The following TNS1 variants were observed in gnomAD, a reference collection of about 807,000 sequenced individuals.
TNS1 encodes the protein tensin-1.
TNS1 carries 62 observed loss-of-function variants against 168.6 expected under a neutral mutation model. The ratio of observed to expected loss-of-function variants is 0.37; its 90% CI spans 0.30 to 0.45. The LOEUF is 0.45. TNS1 is among the 20% of genes least tolerant of loss of function. The probability of loss-of-function intolerance (pLI) is 1.00; values close to 1 mark genes in which losing one functional copy is unlikely to be tolerated. For synonymous variants in TNS1, 934 were observed against 933.2 expected, an observed-to-expected ratio of 1.00 and a Z score of -0.02; for missense variants, 2,240 against 2,339.4, an observed-to-expected ratio of 0.96 and a Z score of 0.88.
chr2:217,936,092 G>A (rs1460339649), intron 3 of TNS1, among the ~76,000 whole-genome samples: 2 of 152,184 alleles, frequency 1.3e-5, no homozygotes, highest in Non-Finnish European at 2.9e-5. Context: ...CTCTGGACAG[G>A]CAGCCACTCT....
At chr2:217,978,843 A>C in intron 2 of TNS1, 41 bp from the exon 3 acceptor site, 1 of 701,992 alleles carries the variant, frequency 1.4e-6, no homozygotes, top group Non-Finnish European at 2.6e-6. Context: ...TTTAGCCGCG[A>C]GGTATGAAAT....
chr2:218,020,036 A>G (rs943318667), intron 1 of TNS1, among the ~76,000 whole-genome samples: 1 of 152,152 alleles, frequency 6.6e-6, no homozygotes, highest in South Asian at 2.1e-4. Context: ...CAGTGGGTCG[A>G]TTGAACACAC....
chr2:217,974,359 A>G (rs1353175152), intron 3 of TNS1, among the ~76,000 whole-genome samples: 2 of 152,174 alleles, frequency 1.3e-5, no homozygotes. Flanking sequence ...ATTTAAAGTG[A>G]TTTTGCTGCT....
chr2:217,818,594 A>G lies in TNS1; in HGVS notation c.3738T>C (p.Ser1246=). The change falls in exon 24 of 33, where the codon AGT becomes AGC. Residue 1246 remains serine, a synonymous_variant. Transcript: ENST00000682258. ...QSSSPLPTVG[S]SYSSPDYSLQ... The stretch of plus-strand genomic sequence containing the variant: ...GTGAGTAGTCGGGGCTGCTGTAGCT[A>G]CTGCCCACAGTCGGGAGAGGAGAAG... 2 of 1,614,206 alleles carry G rather than the reference A, an allele frequency of 1.2e-6. No individual in the cohort carries two copies. The highest frequency in any genetic ancestry group is 1.7e-6 in the Non-Finnish European group (2 of 1,180,028).
chr2:217,859,552 T>G (rs1200845882), intron 18 of TNS1: 3 of 1,255,448 alleles, frequency 2.4e-6, no homozygotes. Context: ...AAGTTCTCAG[T>G]GCAAAGCTTT....
At chr2:218,007,572 G>GT (rs1450218757), upstream of TNS1, among the ~76,000 whole-genome samples, 2 of 127,670 alleles carry the variant, frequency 1.6e-5, no homozygotes, top group Non-Finnish European at 3.4e-5. Flanking sequence ...GGGGTGGGGG[G>GT]GGGGGTTCAG....
chr2:217,878,369 C>T (rs1181084013), intron 18 of TNS1, among the ~76,000 whole-genome samples: 3 of 152,206 alleles, frequency 2.0e-5, no homozygotes, highest in African/African-American at 7.2e-5. Flanking sequence ...GGACGTCAGC[C>T]AACCCAGGAC....
chr2:217,907,359 G>A (rs1953836521), intron 4 of TNS1, 108 bp from the exon 5 acceptor site: 3 of 679,060 alleles, frequency 4.4e-6, no homozygotes, highest in African/African-American at 1.8e-5. Flanking sequence ...CCTGAGACAG[G>A]GATGATGAGG....
intron 3 of TNS1, among the ~76,000 whole-genome samples, chr2:217,973,367 GA>G (rs58463140): frequency 0.29 from 26,880 of 93,364 alleles, 2,887 homozygotes; most frequent in East Asian, 0.47. Flanking sequence ...TCCTGTCTCT[GA>G]AAAAAAAAAA....
rs1937925827 is a variant in TNS1 at position 217,804,099 on chromosome 2, A to C, written c.*360T>G. On this transcript the variant is annotated 3_prime_UTR_variant, in exon 33 of 33. Coordinates refer to ENST00000682258, the MANE Select transcript of TNS1 (RefSeq NM_001387777.1). ...ACAGAGCTTTTCCATTCCCCCAAAA[A>C]ATGTGGATTCCCAAGGAGGTTTGTT... is the stretch of plus-strand genomic sequence containing the variant. 1 of 176,054 alleles carries C rather than the reference A, an allele frequency of 5.7e-6. No homozygotes were observed. Among genetic ancestry groups the C allele is most frequent in the African/African-American group, 2.4e-5 (1 of 42,268 alleles). 10.9% of individuals were successfully genotyped at this position (176,054 alleles called of 1,614,324 possible).
chr2:217,882,280 G>A, intron 17 of TNS1, 66 bp downstream of exon 17: 1 of 1,106,622 alleles, frequency 9.0e-7, no homozygotes, highest in Non-Finnish European at 1.4e-6. Flanking sequence ...AGGGGTGGAA[G>A]GGTGCTGGGG....
intron 18 of TNS1, among the ~76,000 whole-genome samples, chr2:217,864,928 G>A (rs1015905847): frequency 1.3e-5 from 2 of 152,200 alleles, no homozygotes; most frequent in Non-Finnish European, 2.9e-5. Flanking sequence ...ACGCAGTGGG[G>A]CAGAGATCCA....
intron 3 of TNS1, among the ~76,000 whole-genome samples, chr2:217,958,978 C>A (rs1427694905): frequency 2.0e-5 from 3 of 152,236 alleles, no homozygotes; most frequent in Admixed American, 1.3e-4. Context: ...GGCCACTGAG[C>A]AAGTCTTGCC....
intron 22 of TNS1, 97 bp downstream of exon 22, chr2:217,831,358 G>T: frequency 9.0e-7 from 1 of 1,115,476 alleles, no homozygotes; most frequent in Non-Finnish European, 1.3e-6. Flanking sequence ...CACAAAGCTG[G>T]CTGCTGACCA....
At chr2:218,016,307 A>G (rs1362157180) in intron 1 of TNS1, among the ~76,000 whole-genome samples, 1 of 152,150 alleles carries the variant, frequency 6.6e-6, no homozygotes, top group Non-Finnish European at 1.5e-5. Flanking sequence ...TGCGACAGTG[A>G]CAGTGACTGG....
At chr2:217,805,519 CACA>C (rs1938551447) in intron 32 of TNS1, among the ~76,000 whole-genome samples, 9 of 3,958 alleles carry the variant, frequency 2.3e-3, no homozygotes, top group Non-Finnish European at 6.6e-3. Flanking sequence ...ACACACACCA[CACA>C]CACCACACAC....
At chr2:218,012,456 G>A (rs553415111), upstream of TNS1, among the ~76,000 whole-genome samples, 18 of 152,266 alleles carry the variant, frequency 1.2e-4, no homozygotes, top group African/African-American at 4.3e-4. Context: ...TTCCCCGCCT[G>A]AAGCCAATGA....
intron 12 of TNS1, among the ~76,000 whole-genome samples, chr2:217,887,304 T>G (rs1360807233): frequency 6.6e-6 from 1 of 152,174 alleles, no homozygotes; most frequent in Non-Finnish European, 1.5e-5. Context: ...TCCCCCAATT[T>G]TTTTGTTTTG....
Position 217,897,247 on chromosome 2 carries a change from G to A in TNS1, c.543+551C>T, listed in dbSNP as rs1448781899. On this transcript the variant is annotated intron_variant, in intron 8 of 32. Coordinates refer to ENST00000682258, the MANE Select transcript of TNS1 (RefSeq NM_001387777.1). ...AGACCACCGCCAGCACCTCTCTCCC[G>A]TGTGCCAAGGTGACTCCTCTGGGCC... Among the ~76,000 whole-genome samples, 7 of 152,276 alleles carry A rather than the reference G, an allele frequency of 4.6e-5. No individual in the cohort carries two copies. The South Asian group carries it at 6.2e-4, about 14-fold the overall frequency.
Sources: allele counts gnomAD v4.1 joint callset (sites outside exome capture counted in the v4.1 genomes callset), GRCh38; gene constraint gnomAD v4.1.1; transcripts MANE v1.5; gene names NCBI Gene and HGNC (gene_info 2026-07-23, HGNC 2026-07-21).